JCAD: variants seen among roughly 807,000 people sequenced by gnomAD.
JCAD encodes junctional cadherin 5 associated.
JCAD carries 40 observed loss-of-function variants against 98.0 expected under a neutral mutation model. The observed-to-expected ratio is 0.41, with a 90% CI of 0.32 to 0.53. JCAD has a LOEUF of 0.53. JCAD is among the 20% of genes least tolerant of loss of function. The pLI is 0.31. For synonymous variants in JCAD, 691 were observed against 682.3 expected, an observed-to-expected ratio of 1.01 and a Z score of -0.20; for missense variants, 1,705 against 1,738.1, an observed-to-expected ratio of 0.98 and a Z score of 0.34.
intron 1 of JCAD, among the ~76,000 whole-genome samples, chr10:30,074,104 G>T (rs1431163150): frequency 6.6e-6 from 1 of 152,100 alleles, no homozygotes; most frequent in African/African-American, 2.4e-5. Flanking sequence ...GGAAATCTTG[G>T]CAAAAATGCT....
At chr10:30,111,446 A>G (rs1351270745) in intron 1 of JCAD, among the ~76,000 whole-genome samples, 1 of 152,202 alleles carries the variant, frequency 6.6e-6, no homozygotes, top group Non-Finnish European at 1.5e-5. Context: ...CTCTTCAATT[A>G]TTCTGCAAAT....
chr10:30,076,040 T>G (rs947770836), intron 1 of JCAD, among the ~76,000 whole-genome samples: 59 of 152,260 alleles, frequency 3.9e-4, no homozygotes, highest in Admixed American at 8.5e-4. Context: ...TTTTTTTTTT[T>G]TGAGACAGAG....
chr10:30,090,569 G>A (rs1027939185), intron 1 of JCAD, among the ~76,000 whole-genome samples: 2 of 150,782 alleles, frequency 1.3e-5, no homozygotes, highest in African/African-American at 2.4e-5. Flanking sequence ...AGAGGAGAGG[G>A]GAGGGGAGGG....
At position 30,051,284 on chromosome 10, in the gene JCAD, G is replaced by GCGCACACACA. The variant is rs1554798252; in HGVS notation, c.-59-3414_-59-3413insTGTGTGTGCG. On this transcript the variant is annotated intron_variant, in intron 1 of 3. Transcript: ENST00000375377. ...CGCACACACGCACGCACACACGCAC[G>GCGCACACACA]CACACACACACACACACACACACAA... Among the ~76,000 whole-genome samples, 284 of 146,868 alleles carry GCGCACACACA rather than the reference G, an allele frequency of 1.9e-3. 2 individuals carry two copies. Among genetic ancestry groups the GCGCACACACA allele is most frequent in the African/African-American group, 6.7e-3 (271 of 40,434 alleles).
chr10:30,060,472 C>T (rs1368509276), upstream of JCAD, among the ~76,000 whole-genome samples: 2 of 152,006 alleles, frequency 1.3e-5, no homozygotes, highest in South Asian at 2.1e-4. Flanking sequence ...CTGCTCAGGG[C>T]GAACGTTTTC....
upstream of JCAD, among the ~76,000 whole-genome samples, chr10:30,063,138 A>G (rs1837727113): frequency 9.4e-6 from 1 of 106,120 alleles, no homozygotes; most frequent in South Asian, 3.8e-4. Context: ...TGATCTTGGG[A>G]GATTTAAACA....
chr10:30,030,228 G>C (rs1363338443), intron 2 of JCAD, among the ~76,000 whole-genome samples: 1 of 152,214 alleles, frequency 6.6e-6, no homozygotes. Flanking sequence ...AGAATCTCTT[G>C]AGGCCAGGAG....
intron 1 of JCAD, among the ~76,000 whole-genome samples, chr10:30,084,391 G>A (rs920812065): frequency 6.6e-6 from 1 of 152,206 alleles, no homozygotes; most frequent in Non-Finnish European, 1.5e-5. Context: ...CAGGTATTTG[G>A]TCAAACCTTC....
Position 30,028,227 on chromosome 10 carries a change from T to C in JCAD, c.1921A>G (p.Met641Val), listed in dbSNP as rs1168740704. The C allele has an allele frequency of 6.2e-7, 1 of 1,614,202 alleles. No individual in the cohort carries two copies. The change falls in exon 3 of 4, where the codon ATG (methionine) becomes GTG (valine). Residue 641 changes from methionine (M) to valine (V), a missense_variant. This residue lies in a region of JCAD where 1,278 missense variants were observed against 1,243.1 expected (regional missense o/e 1.03). Coordinates refer to ENST00000375377, the MANE Select transcript of JCAD (RefSeq NM_020848.4). Reference sequence around the variant, plus strand: ...TTTTGGAACTCCGTTCTCCCACCCATGCTTCCTGTGAGGGCCTGCAGCTCC... The same window carrying C: ...TTTTGGAACTCCGTTCTCCCACCCACGCTTCCTGTGAGGGCCTGCAGCTCC... ...DLELQALTGS[M>V]GGRTEFQKQD...
At chr10:30,023,200 G>C (rs1480937917) in intron 3 of JCAD, among the ~76,000 whole-genome samples, 1 of 151,958 alleles carries the variant, frequency 6.6e-6, no homozygotes, top group African/African-American at 2.4e-5. Context: ...ATTACACCCA[G>C]CTAATTTTTG....
chr10:30,087,822 C>A (rs2132691114), intron 1 of JCAD, among the ~76,000 whole-genome samples: 1 of 152,316 alleles, frequency 6.6e-6, no homozygotes, highest in African/African-American at 2.4e-5. Flanking sequence ...GTATCTGAAA[C>A]CTTATTGGAC....
At chr10:30,114,037 T>C (rs1838751748) in intron 1 of JCAD, among the ~76,000 whole-genome samples, 1 of 152,174 alleles carries the variant, frequency 6.6e-6, no homozygotes, top group Non-Finnish European at 1.5e-5. Flanking sequence ...CACTGGGCAC[T>C]TAGCCCCCTC....
At chr10:30,062,060 T>C (rs1189951134), upstream of JCAD, among the ~76,000 whole-genome samples, 1 of 152,174 alleles carries the variant, frequency 6.6e-6, no homozygotes, top group Non-Finnish European at 1.5e-5. Context: ...CTAAGGGCTG[T>C]AGAGTTGCAA....
intron 1 of JCAD, among the ~76,000 whole-genome samples, chr10:30,055,902 CTTTT>C (rs200743660): frequency 6.6e-6 from 1 of 151,994 alleles, no homozygotes; most frequent in South Asian, 2.1e-4. Flanking sequence ...TCTGACTCCT[CTTTT>C]TTTTCTTTCC....
chr10:30,025,155 A>G (rs988112990), intron 3 of JCAD, among the ~76,000 whole-genome samples: 13 of 152,120 alleles, frequency 8.5e-5, no homozygotes, highest in African/African-American at 3.1e-4. Context: ...GGAAGGGCCC[A>G]GCTCAGGAGA....
chr10:30,077,762 G>T (rs184198962), intron 1 of JCAD, among the ~76,000 whole-genome samples: 3 of 152,086 alleles, frequency 2.0e-5, no homozygotes, highest in Non-Finnish European at 4.4e-5. Context: ...TCACTCCTTC[G>T]TAAGGCTGAA....
rs1314633398 is a variant in JCAD, at chr10:30,073,673, C to CCTTG, written n.129-3853_129-3852insCAAG. On this transcript the variant is annotated intron_variant and non_coding_transcript_variant, in intron 1 of 2. Coordinates refer to the JCAD transcript ENST00000465712. ...TCCTTCCTTCCTTCCTTCCTTCCTT[C>CCTTG]CTTCCTTGCTTCCTTCCTTCCTTCC... Among the ~76,000 whole-genome samples the CCTTG allele has an allele frequency of 6.0e-4, 42 of 70,084 alleles. No individual in the cohort carries two copies. In the East Asian group the frequency reaches 6.3e-3, roughly 11 times the overall value. 46.0% of individuals were successfully genotyped at this position (70,084 alleles called of 152,430 possible).
At position 30,026,260 on chromosome 10, in the gene JCAD, G is replaced by A. The variant is rs780795454; in HGVS notation, c.3888C>T (p.Ala1296=). ...GAGACACAAGGCCTCCCGGGAGCCCGGCCTGGCCCCTTGTGGTGGCCTTCA... is the reference window on the plus strand; with the variant it reads ...GAGACACAAGGCCTCCCGGGAGCCCAGCCTGGCCCCTTGTGGTGGCCTTCA... ...EELKATTRGQ[A]GLPGGLVSPG... is the part of the protein sequence containing the mutation. Residue 1296 remains alanine, a synonymous_variant, in exon 3 of 4, where the codon GCC becomes GCT. Transcript: ENST00000375377. 5.0e-6 allele frequency: 8 copies of A among 1,613,754 alleles called. No individual in the cohort carries two copies. Among genetic ancestry groups the A allele is most frequent in the Middle Eastern group, 3.3e-4 (2 of 6,084 alleles).
At chr10:30,029,977 C>G (rs558751584) in intron 2 of JCAD, 111 bp from the exon 3 acceptor site, 15 of 1,228,558 alleles carry the variant, frequency 1.2e-5, no homozygotes, top group Non-Finnish European at 3.3e-6. Context: ...AAACTTGGTT[C>G]CCAGCCACAG....
Sources: allele counts gnomAD v4.1 joint callset (sites outside exome capture counted in the v4.1 genomes callset), GRCh38; gene constraint gnomAD v4.1.1; regional missense constraint gnomAD v4.1.1; transcripts MANE v1.5; gene names NCBI Gene and HGNC (gene_info 2026-07-23, HGNC 2026-07-21).